The following CPSF6 variants were observed in gnomAD, a reference collection of about 807,000 sequenced individuals.
The protein encoded by CPSF6 is cleavage and polyadenylation specificity factor subunit 6.
CPSF6 carries 10 observed loss-of-function variants against 56.7 expected under a neutral mutation model. That is an observed-to-expected ratio of 0.18 (90% CI 0.11 to 0.30). The LOEUF is 0.30. Ranked by LOEUF, CPSF6 falls within the 10% of genes least tolerant of loss-of-function variation. The pLI, the probability that CPSF6 is intolerant of heterozygous loss-of-function variation, is 1.00. For synonymous variants in CPSF6, 248 were observed against 244.8 expected (o/e 1.01, Z -0.12); for missense variants, 419 against 722.9 (o/e 0.58, Z 4.82).
intron 1 of CPSF6, among the ~76,000 whole-genome samples, chr12:69,246,632 A>G (rs1871923402): frequency 6.6e-6 from 1 of 152,234 alleles, no homozygotes; most frequent in Non-Finnish European, 1.5e-5. Flanking sequence ...AAATGTATGC[A>G]TTAGGTTATC....
intron 4 of CPSF6, 51 bp from the exon 5 acceptor site, chr12:69,257,681 C>A: frequency 2.0e-6 from 3 of 1,523,236 alleles, no homozygotes. Flanking sequence ...GGTTACATTT[C>A]AGAAAACTAT....
At chr12:69,256,582 CTG>C in intron 3 of CPSF6, 113 bp from the exon 4 acceptor site, 2 of 1,033,422 alleles carry the variant, frequency 1.9e-6, no homozygotes, top group Non-Finnish European at 2.8e-6. Flanking sequence ...GCATGAGCCA[CTG>C]TGCCCAGCTG....
In CPSF6 at chr12:69,258,593, G is replaced by A. The variant is rs1483034802; in HGVS notation, c.698G>A (p.Gly233Glu). 1 of 1,597,824 alleles carries A rather than the reference G, an allele frequency of 6.3e-7. No homozygotes were observed. Among genetic ancestry groups the A allele is most frequent in the Non-Finnish European group, 8.5e-7 (1 of 1,173,248 alleles). Residue 233 changes from glycine (G) to glutamate (E), a missense_variant, in exon 6 of 10, where the codon GGA (glycine) becomes GAA (glutamate). Gly to Glu is a moderately conservative substitution (Grantham distance 98, BLOSUM62 -2). This residue lies in a region of CPSF6 where 211 missense variants were observed against 296.0 expected (regional missense o/e 0.71). Coordinates refer to ENST00000435070, the MANE Select transcript of CPSF6 (RefSeq NM_007007.3). This position sits in a 1 kb window ranked among gnomAD's most constrained non-coding sequence, Gnocchi z 4.2. ...PGGPPPPFPA[G>E]QTPPRPPLGP... The stretch of plus-strand genomic sequence containing the variant: ...CTCTTTCTCCTTTGTTTTTTAGCTG[G>A]ACAGACTCCACCACGTCCACCCTTA...
rs1250024765 is a variant in CPSF6, at chr12:69,260,153, T to C, written c.1425T>C (p.Asp475=). 3.1e-6 allele frequency: 5 copies of C among 1,613,432 alleles called. No homozygotes were observed. In the South Asian group the frequency reaches 4.4e-5, roughly 14 times the overall value. Reference sequence around the variant, plus strand: ...AAGTTCTTATTAGTTCTTTGCAAGATTGCCTTCATGGAATTGAGTCCAAGT... The same window carrying C: ...AAGTTCTTATTAGTTCTTTGCAAGACTGCCTTCATGGAATTGAGTCCAAGT... ...RCKVLISSLQ[D]CLHGIESKSY... Residue 475 remains aspartate, a synonymous_variant, in exon 8 of 10, where the codon GAT becomes GAC. Transcript: ENST00000435070.
chr12:69,252,048 G>A (rs1324427872), intron 2 of CPSF6: 5 of 455,660 alleles, frequency 1.1e-5, no homozygotes, highest in African/African-American at 4.0e-5. Flanking sequence ...TAATAACACT[G>A]TATTTTTAAA....
chr12:69,248,965 G>C (rs531632200), intron 1 of CPSF6, among the ~76,000 whole-genome samples: 92 of 151,330 alleles, frequency 6.1e-4, no homozygotes, highest in African/African-American at 2.0e-3. Flanking sequence ...TCTTATTCTC[G>C]GCCGGGTGTG....
intron 9 of CPSF6, among the ~76,000 whole-genome samples, chr12:69,263,422 ATTTG>A (rs779972758): frequency 2.7e-4 from 41 of 152,070 alleles, no homozygotes; most frequent in Non-Finnish European, 4.7e-4. Flanking sequence ...TATTTTTTAT[ATTTG>A]TTAATAGCAT....
intron 1 of CPSF6, among the ~76,000 whole-genome samples, chr12:69,245,706 A>G (rs1871866822): frequency 6.6e-6 from 1 of 152,226 alleles, no homozygotes. Context: ...TTTGGGAGTC[A>G]GAAACTCTTA....
chr12:69,261,387 A>G (rs7969559), intron 8 of CPSF6, among the ~76,000 whole-genome samples: 108,712 of 151,930 alleles, frequency 0.72, 39,017 homozygotes, highest in South Asian at 0.77. Context: ...TGGCCACATA[A>G]GGAGTTTTTC....
chr12:69,250,217 G>C (rs1872159622), intron 1 of CPSF6, among the ~76,000 whole-genome samples: 1 of 151,582 alleles, frequency 6.6e-6, no homozygotes, highest in East Asian at 1.9e-4. Flanking sequence ...AACAAGATCT[G>C]AATACTATAG....
In CPSF6 at chr12:69,258,754, C is replaced by T; in HGVS notation, c.859C>T (p.Pro287Ser). Residue 287 changes from proline to serine, a missense_variant, in exon 6 of 10, where the codon CCT (proline) becomes TCT (serine). By Grantham distance (74) the Pro-to-Ser change is moderately conservative. This residue lies in a region of CPSF6 where 211 missense variants were observed against 296.0 expected (regional missense o/e 0.71). Transcript: ENST00000435070. The surrounding 1 kb of genome is among the most constrained non-coding windows in gnomAD (Gnocchi z 4.2). ...TTTTCCTGGACAACCTTTTGGGCAG[C>T]CTCCATTGGGTCCACTTCCTCCTGG... ...VLFPGQPFGQPPLGPLPPGPP... is the reference protein window; with the variant it reads ...VLFPGQPFGQSPLGPLPPGPP... 6.2e-7 allele frequency: 1 copy of T among 1,614,044 alleles called. No homozygotes were observed. Among genetic ancestry groups the T allele is most frequent in the Non-Finnish European group, 8.5e-7 (1 of 1,180,002 alleles).
At chr12:69,267,203 A>G (rs1369906548) in intron 9 of CPSF6, among the ~76,000 whole-genome samples, 1 of 152,044 alleles carries the variant, frequency 6.6e-6, no homozygotes, top group African/African-American at 2.4e-5. Context: ...TTAAATCTTA[A>G]AAGATGAATT....
chr12:69,269,038 T>C (rs1350673065), intron 9 of CPSF6, among the ~76,000 whole-genome samples: 4 of 151,946 alleles, frequency 2.6e-5, no homozygotes, highest in African/African-American at 9.7e-5. Flanking sequence ...TCCTGTATGC[T>C]GTTAAATAAA....
rs1339796390 is a variant in CPSF6 at position 69,274,049 on chromosome 12, A to G, written c.*4541A>G. On this transcript the variant is annotated 3_prime_UTR_variant, in exon 10 of 10. Transcript: ENST00000435070. The stretch of plus-strand genomic sequence containing the variant: ...TCTTAAAATTTTAGCTATTGACTCT[A>G]TGGTGACTTCACAATAAGATTTCTG... 6.6e-6 allele frequency: 1 copy of G among 150,488 alleles called. No homozygotes were observed. The highest frequency in any genetic ancestry group is 1.5e-5 in the Non-Finnish European group (1 of 67,584). The allele number at this position is 150,488 out of a possible 1,614,324, so 9.3% of individuals were successfully genotyped here.
chr12:69,245,529 G>A (rs962261402), intron 1 of CPSF6, among the ~76,000 whole-genome samples: 2 of 152,142 alleles, frequency 1.3e-5, no homozygotes, highest in African/African-American at 4.8e-5. Context: ...TCAGATAAGA[G>A]GGGACTACTA....
chr12:69,245,096 T>TAA (rs11317829), intron 1 of CPSF6, among the ~76,000 whole-genome samples: 2 of 138,038 alleles, frequency 1.4e-5, no homozygotes, highest in Non-Finnish European at 3.1e-5. Flanking sequence ...CGTCTCTATT[T>TAA]AAAAAAAAAA....
rs571209734 is a variant in CPSF6, at chr12:69,259,942, C to G, written c.1316-102C>G. 1.9e-5 allele frequency: 22 copies of G among 1,171,984 alleles called. No homozygotes were observed. The East Asian group carries it at 5.0e-4, about 27-fold the overall frequency. 72.6% of individuals were successfully genotyped at this position (1,171,984 alleles called of 1,614,324 possible). A position where few individuals can be genotyped will look rare whatever the true frequency, so the allele number is the denominator to read the frequency against. ...TGTCTTGCATAGTTATTTTATAGCA[C>G]AGTACTTTTGTAAAATGCCTTATCA... On this transcript the variant is annotated intron_variant, in intron 7 of 9. Coordinates refer to ENST00000435070, the MANE Select transcript of CPSF6 (RefSeq NM_007007.3).
At position 69,257,892 on chromosome 12, in the gene CPSF6, C is replaced by T; in HGVS notation, c.681C>T (p.Pro227=). 1.3e-6 allele frequency: 2 copies of T among 1,595,796 alleles called. No homozygotes were observed. The highest frequency in any genetic ancestry group is 1.1e-5 in the South Asian group (1 of 88,942). Residue 227 remains proline, a synonymous_variant, in exon 5 of 10, where the codon CCC becomes CCT. Coordinates refer to ENST00000435070, the MANE Select transcript of CPSF6 (RefSeq NM_007007.3). ...GGCCAGCAGGACCAGGAGGGCCACC[C>T]CCACCTTTTCCAGGTAAAACTTTTC... is the stretch of plus-strand genomic sequence containing the variant. The part of the protein sequence containing the change: ...FPGPAGPGGP[P]PPFPAGQTPP...
chr12:69,240,205 C>G (rs967392543), intron 1 of CPSF6, among the ~76,000 whole-genome samples: 4 of 152,204 alleles, frequency 2.6e-5, no homozygotes, highest in African/African-American at 9.6e-5. Context: ...TTTTGTCTCC[C>G]TGCCCGCGCA....
Sources: allele counts gnomAD v4.1 joint callset (sites outside exome capture counted in the v4.1 genomes callset), GRCh38; gene constraint gnomAD v4.1.1; regional missense constraint gnomAD v4.1.1; non-coding constraint Gnocchi (gnomAD v3.1); transcripts MANE v1.5; gene names NCBI Gene and HGNC (gene_info 2026-07-23, HGNC 2026-07-21).